MSANTD2: variants seen among roughly 807,000 people sequenced by gnomAD.
MSANTD2 encodes Myb/SANT DNA binding domain containing 2.
Under a neutral mutation model 52.6 loss-of-function variants are expected in MSANTD2, and 19 were observed. That is an observed-to-expected ratio of 0.36 (90% CI 0.25 to 0.53). The LOEUF is 0.53. Ranked by LOEUF, MSANTD2 falls within the 20% of genes least tolerant of loss-of-function variation. The probability of loss-of-function intolerance (pLI) is 0.91; values close to 1 mark genes in which losing one functional copy is unlikely to be tolerated. For missense variants in MSANTD2, 558 were observed against 716.3 expected (o/e 0.78, Z 2.52); for synonymous variants, 291 against 289.7 (o/e 1.00, Z -0.04).
rs189948686 is a variant in MSANTD2 at position 124,770,691 on chromosome 11, T to C, written c.827+2303A>G. ...CACCATCTCGGCTCACTGCAACCTT[T>C]GCCTTTTGGGTTCAAGCAATTCTTG... On this transcript the variant is annotated intron_variant, in intron 3 of 3. Coordinates refer to ENST00000374979, the MANE Select transcript of MSANTD2 (RefSeq NM_001308027.2). Among the ~76,000 whole-genome samples, 78 of 152,170 alleles carry C rather than the reference T, an allele frequency of 5.1e-4. 1 individual carries two copies. Among genetic ancestry groups the C allele is most frequent in the Admixed American group, 2.4e-3 (37 of 15,290 alleles).
chr11:124,773,724 T>C (rs1287794094), intron 2 of MSANTD2, among the ~76,000 whole-genome samples: 1 of 152,244 alleles, frequency 6.6e-6, no homozygotes, highest in Non-Finnish European at 1.5e-5. Context: ...TCCTTTTTCT[T>C]TGGAATTAAC....
intron 1 of MSANTD2, among the ~76,000 whole-genome samples, chr11:124,781,076 G>A (rs1165480917): frequency 6.6e-6 from 1 of 151,874 alleles, no homozygotes; most frequent in East Asian, 1.9e-4. Context: ...CCAGCTACTC[G>A]GGAAGCTGAG....
At chr11:124,786,961 C>T (rs939255557) in intron 1 of MSANTD2, among the ~76,000 whole-genome samples, 7 of 152,152 alleles carry the variant, frequency 4.6e-5, no homozygotes, top group African/African-American at 1.7e-4. Context: ...CTTGGTGTCA[C>T]CACCTGCAAG....
In MSANTD2 at chr11:124,767,195, G is replaced by C; in HGVS notation, c.1661C>G (p.Pro554Arg). 2 of 1,607,114 alleles carry C rather than the reference G, an allele frequency of 1.2e-6. No homozygotes were observed. The highest frequency in any genetic ancestry group is 1.7e-5 in the Admixed American group (1 of 58,728). The change falls in exon 4 of 4, where the codon CCC becomes CGC. Residue 554 changes from proline (P) to arginine (R), a missense_variant. This residue lies in a region of MSANTD2 where 408 missense variants were observed against 573.6 expected (regional missense o/e 0.71). Coordinates refer to ENST00000374979, the MANE Select transcript of MSANTD2 (RefSeq NM_001308027.2). This position sits in a 1 kb window ranked among gnomAD's most constrained non-coding sequence, Gnocchi z 6.5. ...VECLEKAIGY[P>R]LKFNN is the part of the protein sequence containing the mutation. Reference sequence around the variant, plus strand: ...TGACATTCAGTTGTTAAATTTTAAGGGGTATCCAATGGCTTTTTCCAGGCA... The same window carrying C: ...TGACATTCAGTTGTTAAATTTTAAGCGGTATCCAATGGCTTTTTCCAGGCA...
rs572737982 is a variant in MSANTD2, at chr11:124,768,817, A to G, written c.828-789T>C. Among the ~76,000 whole-genome samples, 6 of 152,264 alleles carry G rather than the reference A, an allele frequency of 3.9e-5. No individual in the cohort carries two copies. The East Asian group carries it at 1.2e-3, about 30-fold the overall frequency. On this transcript the variant is annotated intron_variant, in intron 3 of 3. Coordinates refer to ENST00000374979, the MANE Select transcript of MSANTD2 (RefSeq NM_001308027.2). ...AAGCAAAAATATAGGAATTATTTCA[A>G]TTTTGACTCATATACTTAACAGAAG...
At chr11:124,799,613 C>G (rs1170534525) in intron 1 of MSANTD2, among the ~76,000 whole-genome samples, 1 of 13,982 alleles carries the variant, frequency 7.2e-5, no homozygotes, top group African/African-American at 3.3e-4. Context: ...AACTTCAGAG[C>G]GCAGGAACAT....
At chr11:124,770,852 C>A (rs1372418296) in intron 3 of MSANTD2, among the ~76,000 whole-genome samples, 2 of 150,902 alleles carry the variant, frequency 1.3e-5, no homozygotes, top group Admixed American at 1.3e-4. Context: ...CTTGCCTCAG[C>A]CTCCCAAGTA....
chr11:124,778,579 T>G (rs535407889), intron 1 of MSANTD2, among the ~76,000 whole-genome samples: 1 of 152,136 alleles, frequency 6.6e-6, no homozygotes, highest in East Asian at 1.9e-4. Context: ...AGGTAACAAC[T>G]TGATCGGTGG....
chr11:124,791,339 C>A (rs955684918), intron 1 of MSANTD2: 5 of 1,410,072 alleles, frequency 3.5e-6, no homozygotes, highest in Non-Finnish European at 3.0e-6. Flanking sequence ...CTGGCCCCTA[C>A]AGCTGCTCCG....
intron 1 of MSANTD2, among the ~76,000 whole-genome samples, chr11:124,783,368 C>G (rs1293002045): frequency 6.6e-6 from 1 of 152,184 alleles, no homozygotes. Context: ...AGCCTATAAT[C>G]CCAGCACTTT....
intron 1 of MSANTD2, among the ~76,000 whole-genome samples, chr11:124,786,025 C>T (rs137985853): frequency 2.0e-5 from 3 of 150,974 alleles, no homozygotes; most frequent in African/African-American, 7.3e-5. Context: ...AAGCTCATAG[C>T]TCATTTTAAT....
intron 1 of MSANTD2, among the ~76,000 whole-genome samples, chr11:124,796,744 T>A (rs1394109568): frequency 6.6e-6 from 1 of 152,350 alleles, no homozygotes; most frequent in East Asian, 1.9e-4. Context: ...GTTCCTCCTT[T>A]TCCTTTTCCA....
rs371397423 is a variant in MSANTD2, at chr11:124,767,787, G to A, written c.1069C>T (p.Arg357Trp). ...TTCTGCACTCGGGTCATAATGATCC[G>A]TCCTTCAGGCTTCTCAGAGTTGAAG... The part of the protein sequence containing the change: ...EYFNSEKPEG[R>W]IIMTRVQKMN... The change falls in exon 4 of 4, where the codon CGG (arginine) becomes TGG (tryptophan). Residue 357 changes from arginine to tryptophan, a missense_variant. Arg to Trp is a moderately radical substitution (Grantham distance 101, BLOSUM62 -3). Around this residue, in one of 2 missense-constraint regions of MSANTD2, gnomAD observed 408 missense variants for 573.6 expected, o/e 0.71. Coordinates refer to ENST00000374979, the MANE Select transcript of MSANTD2 (RefSeq NM_001308027.2). The surrounding 1 kb of genome is among the most constrained non-coding windows in gnomAD (Gnocchi z 6.5). 8.7e-6 allele frequency: 14 copies of A among 1,614,140 alleles called. No homozygotes were observed. Among genetic ancestry groups the A allele is most frequent in the East Asian group, 2.2e-5 (1 of 44,890 alleles).
chr11:124,787,464 T>C (rs189379787), intron 1 of MSANTD2, among the ~76,000 whole-genome samples: 11 of 152,332 alleles, frequency 7.2e-5, no homozygotes, highest in African/African-American at 9.6e-5. Flanking sequence ...CACTGCAACC[T>C]CCACCTCCTG....
intron 1 of MSANTD2, among the ~76,000 whole-genome samples, chr11:124,786,837 C>T (rs1050124607): frequency 9.2e-5 from 14 of 152,136 alleles, no homozygotes; most frequent in South Asian, 2.1e-4. Context: ...TTGATAATCA[C>T]GTCGTTGCCA....
chr11:124,785,613 G>T lies in MSANTD2; in HGVS notation c.511-10639C>A, dbSNP rs192721445. Among the ~76,000 whole-genome samples the T allele has an allele frequency of 1.7e-3, 257 of 152,278 alleles. 2 individuals carry two copies. Among genetic ancestry groups the T allele is most frequent in the Middle Eastern group, 6.8e-3 (2 of 294 alleles). ...CCAGAGAGTGGGGGGCCCTCACCTT[G>T]GGTGAGACAGTTGCCTTGGGCAGAG... is the stretch of plus-strand genomic sequence containing the variant. On this transcript the variant is annotated intron_variant, in intron 1 of 3. Coordinates refer to ENST00000374979, the MANE Select transcript of MSANTD2 (RefSeq NM_001308027.2).
intron 3 of MSANTD2, among the ~76,000 whole-genome samples, chr11:124,769,445 T>G (rs1251771985): frequency 1.3e-5 from 2 of 152,232 alleles, no homozygotes; most frequent in African/African-American, 4.8e-5. Flanking sequence ...TTATGATGTC[T>G]GATTGTGGTG....
At position 124,767,823 on chromosome 11, in the gene MSANTD2, G is replaced by A. The variant is rs1472512585; in HGVS notation, c.1033C>T (p.Leu345Phe). ...TTCTCAGAGTTGAAGTACTCCCGAA[G>A]TCGCTTGCCAAGGGGCACCTGGGAG... ...ISSQVPLGKR[L>F]REYFNSEKPE... The change falls in exon 4 of 4, where the codon CTT becomes TTT. Residue 345 changes from leucine to phenylalanine, a missense_variant. Transcript: ENST00000374979. This position sits in a 1 kb window ranked among gnomAD's most constrained non-coding sequence, Gnocchi z 6.5. 6.2e-7 allele frequency: 1 copy of A among 1,614,224 alleles called. No homozygotes were observed. The highest frequency in any genetic ancestry group is 8.5e-7 in the Non-Finnish European group (1 of 1,180,032).
intron 1 of MSANTD2, among the ~76,000 whole-genome samples, chr11:124,778,782 G>A (rs530111572): frequency 6.6e-6 from 1 of 152,286 alleles, no homozygotes; most frequent in East Asian, 1.9e-4. Flanking sequence ...CAGAGTGAAA[G>A]TTTTGCCAAA....
Sources: gnomAD v4.1 joint callset for allele counts (sites outside exome capture counted in the v4.1 genomes callset) on GRCh38, gnomAD v4.1.1 for gene constraint, gnomAD v4.1.1 regional missense constraint, Gnocchi (gnomAD v3.1) non-coding constraint, MANE v1.5 for transcripts, NCBI Gene and HGNC (gene_info 2026-07-23, HGNC 2026-07-21) for gene names.